Variants in NRXN1 observed in about 807,000 individuals in gnomAD.
NRXN1 encodes the protein neurexin-1.
In NRXN1, 39 loss-of-function variants were observed where a neutral mutation model predicts 150.9. The observed-to-expected ratio is 0.26, with a 90% CI of 0.20 to 0.34. NRXN1 has a LOEUF of 0.34. NRXN1 is among the 10% of genes least tolerant of loss of function. NRXN1 has a pLI of 1.00. For missense variants in NRXN1, 1,815 were observed against 1,949.9 expected (o/e 0.93, Z 1.30); for synonymous variants, 924 against 757.0 (o/e 1.22, Z -3.62).
At position 50,699,135 on chromosome 2, in the gene NRXN1, G is replaced by T. The variant is rs181719164; in HGVS notation, c.833-75520C>A. On this transcript the variant is annotated intron_variant, in intron 5 of 22. Transcript: ENST00000401669. ...AAACACAAAATGATAGCAGGATCTAGCCTCCAACAAACTCTTTTCTCTTAA... is the reference window on the plus strand; with the variant it reads ...AAACACAAAATGATAGCAGGATCTATCCTCCAACAAACTCTTTTCTCTTAA... 2.4e-3 allele frequency among the ~76,000 whole-genome samples: 360 copies of T among 152,222 alleles called. 6 individuals are homozygous for T. The highest frequency in any genetic ancestry group is 0.021 in the Admixed American group (322 of 15,288).
At chr2:50,823,041 A>G (rs1364300428) in intron 5 of NRXN1, among the ~76,000 whole-genome samples, 2 of 152,216 alleles carry the variant, frequency 1.3e-5, no homozygotes, top group African/African-American at 4.8e-5. Context: ...ATAGACGTCA[A>G]TAATCAATGT....
chr2:50,875,301 T>A (rs1051556208), intron 5 of NRXN1, among the ~76,000 whole-genome samples: 1 of 151,716 alleles, frequency 6.6e-6, no homozygotes, highest in African/African-American at 2.4e-5. Flanking sequence ...ATGTTGTATA[T>A]CTTAAATATA....
intron 19 of NRXN1, among the ~76,000 whole-genome samples, chr2:50,086,756 C>T (rs568414402): frequency 1.3e-5 from 2 of 151,836 alleles, no homozygotes; most frequent in African/African-American, 4.8e-5. Context: ...TGGTGACACA[C>T]AGCAGCATTA....
At chr2:50,495,417 G>C (rs940438551) in intron 15 of NRXN1, among the ~76,000 whole-genome samples, 2 of 130,900 alleles carry the variant, frequency 1.5e-5, no homozygotes, top group Admixed American at 7.9e-5. Context: ...GTGTGTGTGT[G>C]TGTTGGGATG....
intron 17 of NRXN1, among the ~76,000 whole-genome samples, chr2:50,328,444 T>C (rs1431431556): frequency 2.6e-5 from 4 of 152,030 alleles, no homozygotes; most frequent in South Asian, 4.2e-4. Context: ...CAAGAATGAA[T>C]TGGAAACTTC....
At chr2:50,751,276 TA>T (rs1700567092) in intron 5 of NRXN1, among the ~76,000 whole-genome samples, 2 of 152,114 alleles carry the variant, frequency 1.3e-5, no homozygotes, top group Non-Finnish European at 2.9e-5. Context: ...TACATACTAC[TA>T]TATACAGCTG....
intron 5 of NRXN1, among the ~76,000 whole-genome samples, chr2:50,703,341 T>A (rs1027360986): frequency 6.6e-6 from 1 of 152,062 alleles, no homozygotes; most frequent in African/African-American, 2.4e-5. Context: ...ATGATTGCAG[T>A]AACAGATAAA....
intron 18 of NRXN1, among the ~76,000 whole-genome samples, chr2:50,166,097 C>G (rs1371498831): frequency 6.6e-6 from 1 of 152,136 alleles, no homozygotes; most frequent in African/African-American, 2.4e-5. Context: ...GCTCCATAAT[C>G]TGAAACTTTG....
At chr2:49,926,459 C>T (rs934254803) in intron 22 of NRXN1, 4 of 397,632 alleles carry the variant, frequency 1.0e-5, no homozygotes, top group Non-Finnish European at 1.3e-5. Context: ...GTGGTAACTT[C>T]GGTAAACACG....
At chr2:49,950,055 T>G (rs925131536) in intron 21 of NRXN1, among the ~76,000 whole-genome samples, 3 of 151,844 alleles carry the variant, frequency 2.0e-5, no homozygotes, top group Admixed American at 6.6e-5. Flanking sequence ...TCCAACCCAG[T>G]GTCCTGATAA....
At chr2:50,458,100 C>G (rs944179159) in intron 17 of NRXN1, among the ~76,000 whole-genome samples, 1 of 151,852 alleles carries the variant, frequency 6.6e-6, no homozygotes, top group South Asian at 2.1e-4. Context: ...TGTGGATAAA[C>G]GGATAAAGAA....
intron 21 of NRXN1, among the ~76,000 whole-genome samples, chr2:49,985,329 C>T (rs1261976477): frequency 6.6e-6 from 1 of 152,100 alleles, no homozygotes; most frequent in Non-Finnish European, 1.5e-5. Context: ...TGACATAACT[C>T]ATTCACCGTG....
At chr2:50,357,598 G>A (rs1484332535) in intron 17 of NRXN1, among the ~76,000 whole-genome samples, 3 of 152,040 alleles carry the variant, frequency 2.0e-5, no homozygotes, top group Admixed American at 1.3e-4. Context: ...ATGAGCTACC[G>A]CGCCCAGGCA....
At chr2:50,616,561 T>C (rs1679096805) in intron 8 of NRXN1, 2 of 152,180 alleles carry the variant, frequency 1.3e-5, no homozygotes, top group African/African-American at 4.8e-5. Context: ...TGCCATTGTT[T>C]ACAATGAAAT....
chr2:50,248,675 A>C (rs913671271), intron 17 of NRXN1, among the ~76,000 whole-genome samples: 1 of 152,152 alleles, frequency 6.6e-6, no homozygotes, highest in African/African-American at 2.4e-5. Context: ...TATCATTGAA[A>C]TTCTTATGAA....
chr2:50,516,917 A>C (rs2092647757), intron 12 of NRXN1, among the ~76,000 whole-genome samples: 1 of 152,240 alleles, frequency 6.6e-6, no homozygotes, highest in Admixed American at 6.5e-5. Flanking sequence ...GAACACTAAT[A>C]ACAGAGAAAG....
At chr2:50,624,509 A>C (rs535023316) in intron 5 of NRXN1, among the ~76,000 whole-genome samples, 2 of 152,230 alleles carry the variant, frequency 1.3e-5, no homozygotes, top group African/African-American at 4.8e-5. Context: ...AGAGACAAAC[A>C]GTTTTATCAT....
intron 5 of NRXN1, among the ~76,000 whole-genome samples, chr2:50,847,596 AT>A (rs1020984000): frequency 1.3e-5 from 2 of 152,154 alleles, no homozygotes; most frequent in Non-Finnish European, 2.9e-5. Flanking sequence ...ACCCTGGCCC[AT>A]CCTGGGCCTA....
At chr2:50,387,426 G>T (rs1247347536) in intron 17 of NRXN1, among the ~76,000 whole-genome samples, 1 of 152,118 alleles carries the variant, frequency 6.6e-6, no homozygotes, top group South Asian at 2.1e-4. Flanking sequence ...ACTGTTCTCA[G>T]TGCCCTCAGG....
Sources: allele counts gnomAD v4.1 joint callset (sites outside exome capture counted in the v4.1 genomes callset), GRCh38; gene constraint gnomAD v4.1.1; transcripts MANE v1.5; gene names NCBI Gene and HGNC (gene_info 2026-07-23, HGNC 2026-07-21).